The following WWOX variants were observed in gnomAD, a reference collection of about 807,000 sequenced individuals.
The protein encoded by WWOX is WW domain-containing oxidoreductase.
Under a neutral mutation model 46.2 loss-of-function variants are expected in WWOX, and 69 were observed. That is an observed-to-expected ratio of 1.49 (90% CI 1.23 to 1.82). The LOEUF (loss-of-function observed/expected upper bound fraction) is 1.82. Among genes scored for constraint, WWOX ranks in the 40% most tolerant of loss-of-function variants. The pLI is 0.00. For synonymous variants in WWOX, 359 were observed against 202.6 expected (o/e 1.77, Z -6.56); for missense variants, 919 against 542.6 (o/e 1.69, Z -6.89).
chr16:78,316,207 G>A (rs1157174391), intron 5 of WWOX, among the ~76,000 whole-genome samples: 1 of 152,118 alleles, frequency 6.6e-6, no homozygotes, highest in South Asian at 2.1e-4. Flanking sequence ...GACCATGCTA[G>A]TGTACTCCAG....
At chr16:78,550,648 T>C (rs1459220778) in intron 8 of WWOX, 1 of 152,246 alleles carries the variant, frequency 6.6e-6, no homozygotes, top group African/African-American at 2.4e-5. Context: ...CTTTGGGAGT[T>C]CTTGTTAACC....
At chr16:78,632,262 G>T (rs1056085592) in intron 8 of WWOX, among the ~76,000 whole-genome samples, 2 of 152,056 alleles carry the variant, frequency 1.3e-5, no homozygotes, top group African/African-American at 4.8e-5. Context: ...TTGCTTCCAG[G>T]GATTGTTTTG....
At chr16:78,665,882 A>G (rs2047320305) in intron 8 of WWOX, among the ~76,000 whole-genome samples, 1 of 151,866 alleles carries the variant, frequency 6.6e-6, no homozygotes, top group African/African-American at 2.4e-5. Flanking sequence ...ATGGAGTTTC[A>G]CCATGTTGGC....
Position 78,273,856 on chromosome 16 carries a change from A to G in WWOX, c.516+109567A>G, listed in dbSNP as rs143309307. 3.1e-3 allele frequency among the ~76,000 whole-genome samples: 470 copies of G among 152,308 alleles called. 3 individuals are homozygous for G. The highest frequency in any genetic ancestry group is 0.011 in the African/African-American group (453 of 41,578). On this transcript the variant is annotated intron_variant, in intron 5 of 8. Transcript: ENST00000566780. ...GCTGAAGATAGGAGGAGTCCTTTTC[A>G]GTCATACTGAATTCATGACGCCTGT...
intron 8 of WWOX, among the ~76,000 whole-genome samples, chr16:78,591,872 A>C (rs534254818): frequency 6.6e-6 from 1 of 152,302 alleles, no homozygotes; most frequent in East Asian, 1.9e-4. Flanking sequence ...TCTGTGAGCT[A>C]CCACCACTGC....
intron 5 of WWOX, among the ~76,000 whole-genome samples, chr16:78,207,729 T>G (rs13337450): frequency 0.015 from 2,236 of 151,150 alleles, 55 homozygotes; most frequent in African/African-American, 0.052. Flanking sequence ...CCACTGCATT[T>G]TCAGCCTGGG....
chr16:78,849,655 T>C (rs2052392406), intron 8 of WWOX, among the ~76,000 whole-genome samples: 1 of 152,028 alleles, frequency 6.6e-6, no homozygotes, highest in African/African-American at 2.4e-5. Context: ...TTCGTTTCTG[T>C]ATTTGAGGAC....
At chr16:78,831,854 A>G (rs1320799876) in intron 8 of WWOX, among the ~76,000 whole-genome samples, 1 of 152,010 alleles carries the variant, frequency 6.6e-6, no homozygotes, top group Non-Finnish European at 1.5e-5. Context: ...TAGGAGACAC[A>G]GGGGAGGAAA....
At chr16:78,324,391 C>T (rs1478872725) in intron 5 of WWOX, among the ~76,000 whole-genome samples, 1 of 152,022 alleles carries the variant, frequency 6.6e-6, no homozygotes, top group Middle Eastern at 3.2e-3. Flanking sequence ...GGCGGTTCCT[C>T]CAATAGTCAA....
intron 8 of WWOX, among the ~76,000 whole-genome samples, chr16:79,058,435 AT>A (rs1458915187): frequency 2.0e-5 from 3 of 152,096 alleles, no homozygotes; most frequent in African/African-American, 7.2e-5. Context: ...TTGAAAGGGA[AT>A]GATGAATGTA....
chr16:78,223,064 G>C (rs1457281610), intron 5 of WWOX, among the ~76,000 whole-genome samples: 1 of 152,300 alleles, frequency 6.6e-6, no homozygotes, highest in Non-Finnish European at 1.5e-5. Context: ...TCCTGCCCAA[G>C]AAGTGTCCTT....
At chr16:78,324,134 T>C (rs185855081) in intron 5 of WWOX, among the ~76,000 whole-genome samples, 25 of 152,174 alleles carry the variant, frequency 1.6e-4, no homozygotes, top group African/African-American at 5.8e-4. Flanking sequence ...GTCTGCTTGA[T>C]TCCAAGACCG....
chr16:78,587,887 T>C (rs1255694490), intron 8 of WWOX, among the ~76,000 whole-genome samples: 1 of 152,220 alleles, frequency 6.6e-6, no homozygotes, highest in African/African-American at 2.4e-5. Context: ...GTGACATCCT[T>C]TTTCTGCATG....
intron 5 of WWOX, among the ~76,000 whole-genome samples, chr16:78,382,677 G>C (rs1370103263): frequency 6.6e-6 from 1 of 152,140 alleles, no homozygotes; most frequent in Non-Finnish European, 1.5e-5. Context: ...GATGGCATGT[G>C]CTAATTCTAA....
intron 8 of WWOX, among the ~76,000 whole-genome samples, chr16:79,092,850 C>A (rs1048488445): frequency 1.3e-5 from 2 of 152,184 alleles, no homozygotes; most frequent in Admixed American, 6.5e-5. Context: ...CCCCTCAGCC[C>A]TCATAACCCC....
At chr16:78,416,721 A>G (rs567836870) in intron 6 of WWOX, among the ~76,000 whole-genome samples, 10 of 152,352 alleles carry the variant, frequency 6.6e-5, no homozygotes, top group African/African-American at 2.4e-4. Context: ...TTAGGTAAAC[A>G]CTGCAGAAAC....
At position 78,183,516 on chromosome 16, in the gene WWOX, G is replaced by C. The variant is rs577746052; in HGVS notation, c.516+19227G>C. On this transcript the variant is annotated intron_variant, in intron 5 of 8. Coordinates refer to ENST00000566780, the MANE Select transcript of WWOX (RefSeq NM_016373.4). ...TTCTGTAGCAGTGTTGTGGATCTCAGACAAGGTGTTCCTGCATATGCCTCT... is the reference window on the plus strand; with the variant it reads ...TTCTGTAGCAGTGTTGTGGATCTCACACAAGGTGTTCCTGCATATGCCTCT... Among the ~76,000 whole-genome samples, 3 of 152,330 alleles carry C rather than the reference G, an allele frequency of 2.0e-5. No individual in the cohort carries two copies. In the South Asian group the frequency reaches 6.2e-4, roughly 32 times the overall value.
rs1231194065 is a variant in WWOX at position 78,614,521 on chromosome 16, C to G, written c.1056+181769C>G. 2.0e-5 allele frequency among the ~76,000 whole-genome samples: 3 copies of G among 152,194 alleles called. No individual in the cohort carries two copies. In the South Asian group the frequency reaches 6.2e-4, roughly 32 times the overall value. On this transcript the variant is annotated intron_variant, in intron 8 of 8. Transcript: ENST00000566780. ...TTCACGGTGTGTGTCCTGCTGGGCT[C>G]ACTTCTGAAGCTGACCTTGGGGAGC...
chr16:78,575,022 A>AAATATATATATATATATATATATAT (rs2044824781), intron 8 of WWOX, among the ~76,000 whole-genome samples: 2 of 13,998 alleles, frequency 1.4e-4, no homozygotes, highest in Non-Finnish European at 2.8e-4. Flanking sequence ...TATATATATA[A>AAATATATATATATATATATATATAT]ATATATATAT....
Sources: allele counts gnomAD v4.1 joint callset (sites outside exome capture counted in the v4.1 genomes callset), GRCh38; gene constraint gnomAD v4.1.1; transcripts MANE v1.5; gene names NCBI Gene and HGNC (gene_info 2026-07-23, HGNC 2026-07-21).